ECE2: variants seen among roughly 807,000 people sequenced by gnomAD.
ECE2 encodes the protein endothelin converting enzyme 2, also known as endothelin-converting enzyme 2.
ECE2 carries 81 observed loss-of-function variants against 100.6 expected under a neutral mutation model. That is an observed-to-expected ratio of 0.81 (90% confidence interval 0.67 to 0.97). ECE2 has a LOEUF of 0.97. ECE2 is among the 50% of genes least tolerant of loss of function. ECE2 has a pLI of 0.00. For missense variants in ECE2, 911 were observed against 988.1 expected (o/e 0.92, Z 1.05); for synonymous variants, 391 against 391.5 (o/e 1.00, Z 0.02).
Position 184,291,695 on chromosome 3 carries a change from T to C in ECE2, c.2121+256T>C. On this transcript the variant is annotated intron_variant, in intron 18 of 18. Coordinates refer to ENST00000404464, the MANE Select transcript of ECE2 (RefSeq NM_001100121.2). This position sits in a 1 kb window ranked among gnomAD's most constrained non-coding sequence, Gnocchi z 4.1. ...GTTCAAAGGGCAAGGTTGTCGTGCT[T>C]GCGGGGCACAGGGTGGCGAAGGGGG... 1 of 227,198 alleles carries C rather than the reference T, an allele frequency of 4.4e-6. No homozygotes were observed. The highest frequency in any genetic ancestry group is 7.6e-6 in the Non-Finnish European group (1 of 130,816). The allele number at this position is 227,198 out of a possible 1,614,324, so 14.1% of individuals were successfully genotyped here.
chr3:184,283,727 A>C, intron 7 of ECE2, 58 bp from the exon 8 acceptor site: 1 of 1,568,494 alleles, frequency 6.4e-7, no homozygotes, highest in Non-Finnish European at 8.7e-7. Flanking sequence ...GTAAGAACAG[A>C]TCTCAGCCTT....
At chr3:184,280,574 G>A (rs1720776037) in intron 7 of ECE2, among the ~76,000 whole-genome samples, 1 of 152,190 alleles carries the variant, frequency 6.6e-6, no homozygotes, top group South Asian at 2.1e-4. Context: ...AACCAGGCCA[G>A]GCAGGGTGTC....
rs781369480 is a variant in ECE2, at chr3:184,291,276, G to T, written c.2025+46G>T. 2 of 1,595,072 alleles carry T rather than the reference G, an allele frequency of 1.3e-6. No homozygotes were observed. Among genetic ancestry groups the T allele is most frequent in the Non-Finnish European group, 1.7e-6 (2 of 1,169,066 alleles). The stretch of plus-strand genomic sequence containing the variant: ...TCCAGCGGCTGAGGCCTGCTGGCCT[G>T]GGGTGAAAGGTGCCGGGTGGGTGGG... On this transcript the variant is annotated intron_variant, in intron 17 of 18. Transcript: ENST00000404464. The surrounding 1 kb of genome is among the most constrained non-coding windows in gnomAD (Gnocchi z 4.1).
rs147315000 is a variant in ECE2 at position 184,289,495 on chromosome 3, T to C, written c.1433T>C (p.Val478Ala). ...TAFEEALGQL[V>A]WMDEKTRQAA... ...TTTGAGGAGGCCCTGGGACAGCTGG[T>C]TTGGATGGATGAGAAGACCCGCCAG... The change falls in exon 12 of 19, where the codon GTT becomes GCT. Residue 478 changes from valine (V) to alanine (A), a missense_variant. Coordinates refer to ENST00000404464, the MANE Select transcript of ECE2 (RefSeq NM_001100121.2). The surrounding 1 kb of genome is among the most constrained non-coding windows in gnomAD (Gnocchi z 4.1). 5.6e-6 allele frequency: 9 copies of C among 1,612,302 alleles called. No homozygotes were observed. The African/African-American group carries it at 8.0e-5, about 14-fold the overall frequency.
At chr3:184,278,731 C>G (rs1321426381) in intron 7 of ECE2, 174 bp downstream of exon 7, 4 of 645,538 alleles carry the variant, frequency 6.2e-6, no homozygotes, top group African/African-American at 3.7e-5. Flanking sequence ...TCCCTTTCTT[C>G]CCCTTTTCCT....
At position 184,292,560 on chromosome 3, in the gene ECE2, C is replaced by T. The variant is rs1443618239; in HGVS notation, c.*322C>T. ...CTGTCCCCAGGCTCACTCAGCCTGG[C>T]GGCCATGGGGCCTGCCGTGCCTGCC... On this transcript the variant is annotated 3_prime_UTR_variant, in exon 19 of 19. Transcript: ENST00000404464. 8 of 378,498 alleles carry T rather than the reference C, an allele frequency of 2.1e-5. No individual in the cohort carries two copies. The highest frequency in any genetic ancestry group is 4.0e-5 in the African/African-American group (2 of 49,388). The allele number at this position is 378,498 out of a possible 1,614,324, so 23.4% of individuals were successfully genotyped here.
In ECE2 at chr3:184,291,353, G is replaced by A. The variant is rs1577148814; in HGVS notation, c.2035G>A (p.Ala679Thr). The change falls in exon 18 of 19, where the codon GCA becomes ACA. Residue 679 changes from alanine to threonine, a missense_variant. Ala to Thr is a moderately conservative substitution (Grantham distance 58, BLOSUM62 0). Coordinates refer to ENST00000404464, the MANE Select transcript of ECE2 (RefSeq NM_001100121.2). The surrounding 1 kb of genome is among the most constrained non-coding windows in gnomAD (Gnocchi z 4.1). Reference sequence around the variant, plus strand: ...ACTGTTCTGTCCCCAGGCTTACAAAGCATGGCTGAGAAAGCATGGGGAGGA... The same window carrying A: ...ACTGTTCTGTCCCCAGGCTTACAAAACATGGCTGAGAAAGCATGGGGAGGA... ...GLKAAYNAYK[A>T]WLRKHGEEQQ... 6.2e-7 allele frequency: 1 copy of A among 1,607,536 alleles called. No homozygotes were observed. Among genetic ancestry groups the A allele is most frequent in the Non-Finnish European group, 8.5e-7 (1 of 1,176,454 alleles).
At chr3:184,276,751 C>T in intron 2 of ECE2, 141 bp from the exon 3 acceptor site, 4 of 1,554,202 alleles carry the variant, frequency 2.6e-6, no homozygotes, top group Non-Finnish European at 3.5e-6. Flanking sequence ...AGACTCAAGG[C>T]TCAACTCACT....
chr3:184,282,586 C>T (rs1449880959), intron 7 of ECE2, among the ~76,000 whole-genome samples: 1 of 152,212 alleles, frequency 6.6e-6, no homozygotes, highest in Non-Finnish European at 1.5e-5. Context: ...GTGAACAAAG[C>T]AAACCCAGCC....
chr3:184,276,943 G>C lies in ECE2; in HGVS notation c.178G>C (p.Glu60Gln). 2 of 1,614,186 alleles carry C rather than the reference G, an allele frequency of 1.2e-6. No individual in the cohort carries two copies. The highest frequency in any genetic ancestry group is 2.7e-5 in the African/African-American group (2 of 75,050). The change falls in exon 3 of 19, where the codon GAG (glutamate) becomes CAG (glutamine). Residue 60 changes from glutamate to glutamine, a missense_variant. Physicochemically the swap from Glu to Gln is conservative, Grantham distance 29. Coordinates refer to ENST00000404464, the MANE Select transcript of ECE2 (RefSeq NM_001100121.2). ...GCTGTTAGGCTCACGCACGCAGCTG[G>C]AGCTGGTCTTAGCAGGTGCCTCTCT... ...RQLLGSRTQL[E>Q]LVLAGASLLL...
At chr3:184,281,490 G>A (rs556363417) in intron 7 of ECE2, among the ~76,000 whole-genome samples, 1 of 152,348 alleles carries the variant, frequency 6.6e-6, no homozygotes, top group African/African-American at 2.4e-5. Context: ...AGGGGCATGC[G>A]GGCCAAGGCC....
Position 184,283,561 on chromosome 3 carries a change from CAAAAAAAAAAAAAAA to C in ECE2, c.817-208_817-194del, listed in dbSNP as rs35761542. Among the ~76,000 whole-genome samples the C allele has an allele frequency of 7.5e-5, 4 of 53,084 alleles. No homozygotes were observed. The East Asian group carries it at 2.8e-3, about 37-fold the overall frequency. The allele number at this position is 53,084 out of a possible 152,430, so 34.8% of individuals were successfully genotyped here. A position where few individuals can be genotyped will look rare whatever the true frequency, so the allele number is the denominator to read the frequency against. On this transcript the variant is annotated intron_variant, in intron 7 of 18. Coordinates refer to ENST00000404464, the MANE Select transcript of ECE2 (RefSeq NM_001100121.2). ...TGGGCAACAGAGTGAGACTCCATCT[CAAAAAAAAAAAAAAA>C]AAAAAAAAAAAAAAAGAAGAAGAAG...
In ECE2 at chr3:184,287,248, T is replaced by C. The variant is rs1420989598; in HGVS notation, c.1264-589T>C. On this transcript the variant is annotated intron_variant, in intron 10 of 18. Transcript: ENST00000404464. ...CTGAGATCGCACCACTGCACTCCAGTCTGGGTGACAGAGTGAGACTCCATC... is the reference window on the plus strand; with the variant it reads ...CTGAGATCGCACCACTGCACTCCAGCCTGGGTGACAGAGTGAGACTCCATC... Among the ~76,000 whole-genome samples, 21 of 149,022 alleles carry C rather than the reference T, an allele frequency of 1.4e-4. No homozygotes were observed. The East Asian group carries it at 3.6e-3, about 25-fold the overall frequency.
At position 184,289,479 on chromosome 3, in the gene ECE2, G is replaced by A. The variant is rs767768640; in HGVS notation, c.1417G>A (p.Ala473Thr). The A allele has an allele frequency of 1.4e-5, 22 of 1,611,918 alleles. No homozygotes were observed. The highest frequency in any genetic ancestry group is 1.9e-5 in the Non-Finnish European group (22 of 1,179,234). Residue 473 changes from alanine (A) to threonine (T), a missense_variant, in exon 12 of 19, where the codon GCC becomes ACC. By Grantham distance (58) the Ala-to-Thr change is moderately conservative (BLOSUM62 0). Transcript: ENST00000404464. This position sits in a 1 kb window ranked among gnomAD's most constrained non-coding sequence, Gnocchi z 4.1. ...ISEIRTAFEE[A>T]LGQLVWMDEK... Reference sequence around the variant, plus strand: ...CGAAATCCGGACCGCATTTGAGGAGGCCCTGGGACAGCTGGTTTGGATGGA... The same window carrying A: ...CGAAATCCGGACCGCATTTGAGGAGACCCTGGGACAGCTGGTTTGGATGGA...
chr3:184,289,440 G>C lies in ECE2; in HGVS notation c.1378G>C (p.Glu460Gln), dbSNP rs757909052. Reference sequence around the variant, plus strand: ...GACTTTACCTCCTCCCTCCCAGGCAGAGGGGATGATCAGCGAAATCCGGAC... The same window carrying C: ...GACTTTACCTCCTCCCTCCCAGGCACAGGGGATGATCAGCGAAATCCGGAC... ...TFDRQSKEIA[E>Q]GMISEIRTAF... The change falls in exon 12 of 19, where the codon GAG (glutamate) becomes CAG (glutamine). Residue 460 changes from glutamate to glutamine, a missense_variant. Physicochemically the swap from Glu to Gln is conservative, Grantham distance 29. Transcript: ENST00000404464. This position sits in a 1 kb window ranked among gnomAD's most constrained non-coding sequence, Gnocchi z 4.1. 3 of 1,604,582 alleles carry C rather than the reference G, an allele frequency of 1.9e-6. No individual in the cohort carries two copies. The highest frequency in any genetic ancestry group is 2.6e-6 in the Non-Finnish European group (3 of 1,175,902).
intron 7 of ECE2, among the ~76,000 whole-genome samples, chr3:184,280,256 C>T (rs896120648): frequency 2.6e-5 from 4 of 152,192 alleles, no homozygotes; most frequent in Non-Finnish European, 5.9e-5. Context: ...ATTTCAGTCT[C>T]AGCTCTGCTG....
chr3:184,288,939 G>T (rs189397554), intron 11 of ECE2, among the ~76,000 whole-genome samples: 1 of 152,038 alleles, frequency 6.6e-6, no homozygotes, highest in Non-Finnish European at 1.5e-5. Context: ...GGTGGATCAC[G>T]TGGTCAGGAG....
rs1341349920 is a variant in ECE2 at position 184,287,955 on chromosome 3, T to C, written c.1374+8T>C. ...CGGCAAAGCAAAGAAATTGTGAGTCTACAAGATTCTTTCAACACTATGCCC... is the reference window on the plus strand; with the variant it reads ...CGGCAAAGCAAAGAAATTGTGAGTCCACAAGATTCTTTCAACACTATGCCC... On this transcript the variant is annotated splice_region_variant and intron_variant, in intron 11 of 18. Transcript: ENST00000404464. 2 of 1,612,488 alleles carry C rather than the reference T, an allele frequency of 1.2e-6. No homozygotes were observed. The highest frequency in any genetic ancestry group is 1.7e-6 in the Non-Finnish European group (2 of 1,178,572).
chr3:184,278,699 T>C, intron 7 of ECE2, 142 bp downstream of exon 7: 1 of 180,556 alleles, frequency 5.5e-6, no homozygotes, highest in Non-Finnish European at 8.9e-6. Context: ...CTCCTTTCTT[T>C]CTTCTTTTCT....
Sources: allele counts gnomAD v4.1 joint callset (sites outside exome capture counted in the v4.1 genomes callset), GRCh38; gene constraint gnomAD v4.1.1; non-coding constraint Gnocchi (gnomAD v3.1); transcripts MANE v1.5; gene names NCBI Gene and HGNC (gene_info 2026-07-23, HGNC 2026-07-21).